ITPR1: variants seen among roughly 807,000 people sequenced by gnomAD.
The protein encoded by ITPR1 is inositol 1,4,5-trisphosphate-gated calcium channel ITPR1.
A neutral mutation model predicts 318.4 loss-of-function variants in ITPR1; 96 were observed. The ratio of observed to expected loss-of-function variants is 0.30; its 90% CI spans 0.26 to 0.36. The LOEUF is 0.36. ITPR1 is among the 10% of genes least tolerant of loss of function. The pLI is 1.00. For synonymous variants in ITPR1, 1,312 were observed against 1,289.9 expected (o/e 1.02, Z -0.37); for missense variants, 2,440 against 3,460.2 (o/e 0.71, Z 7.40).
intron 4 of ITPR1, among the ~76,000 whole-genome samples, chr3:4,605,945 G>C (rs752368844): frequency 1.3e-5 from 2 of 152,092 alleles, no homozygotes; most frequent in Admixed American, 6.5e-5. Flanking sequence ...AGAAGGGATC[G>C]TGGGGAGGAA....
At position 4,674,160 on chromosome 3, in the gene ITPR1, T is replaced by A. The variant is rs941640788; in HGVS notation, c.2457-42T>A. 3.3e-6 allele frequency: 5 copies of A among 1,517,470 alleles called. No homozygotes were observed. The African/African-American group carries it at 7.0e-5, about 21-fold the overall frequency. The allele number at this position is 1,517,470 out of a possible 1,614,324, so 94.0% of individuals were successfully genotyped here. A position where few individuals can be genotyped will look rare whatever the true frequency, so the allele number is the denominator to read the frequency against. On this transcript the variant is annotated intron_variant, in intron 21 of 61. Coordinates refer to ENST00000649015, the MANE Select transcript of ITPR1 (RefSeq NM_001378452.1). ...TGACCCAGGAAGACCTCTCTGGGAA[T>A]AACTTGAAATTTTGTTTCCTTTCTT... is the stretch of plus-strand genomic sequence containing the variant.
intron 10 of ITPR1, among the ~76,000 whole-genome samples, chr3:4,650,482 G>A (rs1369657266): frequency 2.6e-5 from 4 of 151,996 alleles, no homozygotes; most frequent in East Asian, 1.9e-4. Flanking sequence ...GTGATTATTC[G>A]ATGGGTTAAA....
At chr3:4,714,234 A>C (rs1053681864) in intron 39 of ITPR1, among the ~76,000 whole-genome samples, 1 of 152,190 alleles carries the variant, frequency 6.6e-6, no homozygotes, top group African/African-American at 2.4e-5. Flanking sequence ...AAGCTTTCTC[A>C]AGCAAACCAG....
chr3:4,607,987 C>T (rs2091822194), intron 4 of ITPR1, among the ~76,000 whole-genome samples: 1 of 152,066 alleles, frequency 6.6e-6, no homozygotes, highest in Non-Finnish European at 1.5e-5. Context: ...CTCTCATTAG[C>T]TTTACAAAGG....
rs148809650 is a variant in ITPR1, at chr3:4,514,803, G to T, written c.-16-1673G>T. Among the ~76,000 whole-genome samples the T allele has an allele frequency of 2.8e-3, 423 of 152,304 alleles. 4 individuals are homozygous for T. Among genetic ancestry groups the T allele is most frequent in the East Asian group, 0.027 (142 of 5,194 alleles). On this transcript the variant is annotated intron_variant, in intron 2 of 61. Coordinates refer to ENST00000649015, the MANE Select transcript of ITPR1 (RefSeq NM_001378452.1). ...TAAGATAAAGCTTTATAATATAAGC[G>T]CAGAAGGGAAATATTAATCCCCCTT...
intron 4 of ITPR1, among the ~76,000 whole-genome samples, chr3:4,561,745 A>G (rs1361565265): frequency 2.0e-5 from 3 of 152,030 alleles, no homozygotes; most frequent in African/African-American, 7.2e-5. Flanking sequence ...GACTTAAAGG[A>G]TTTATTTTTT....
chr3:4,649,391 A>C (rs1368122973), intron 10 of ITPR1, among the ~76,000 whole-genome samples: 1 of 152,224 alleles, frequency 6.6e-6, no homozygotes, highest in South Asian at 2.1e-4. Flanking sequence ...AAAAGAGGGA[A>C]GACAACACCA....
chr3:4,632,016 G>C (rs555676207), intron 5 of ITPR1, among the ~76,000 whole-genome samples: 1 of 152,200 alleles, frequency 6.6e-6, no homozygotes, highest in African/African-American at 2.4e-5. Flanking sequence ...GATAAATGAT[G>C]GTTCATCCTT....
intron 5 of ITPR1, 103 bp downstream of exon 5, chr3:4,627,981 A>G: frequency 1.5e-6 from 1 of 666,016 alleles, no homozygotes; most frequent in South Asian, 2.6e-5. Context: ...CTCCAATTCT[A>G]GCAGCCAGCT....
chr3:4,558,390 C>A (rs576885476), intron 4 of ITPR1, among the ~76,000 whole-genome samples: 2 of 152,028 alleles, frequency 1.3e-5, no homozygotes, highest in Non-Finnish European at 2.9e-5. Flanking sequence ...ATAATATAAA[C>A]ACAATCAATT....
chr3:4,713,551 G>T (rs1251239856), intron 39 of ITPR1, among the ~76,000 whole-genome samples: 3 of 152,176 alleles, frequency 2.0e-5, no homozygotes, highest in South Asian at 4.1e-4. Flanking sequence ...AAGGTGTGCT[G>T]CCCTGCTCCC....
chr3:4,705,381 G>A (rs749705368), intron 36 of ITPR1, among the ~76,000 whole-genome samples: 7 of 152,146 alleles, frequency 4.6e-5, no homozygotes, highest in Admixed American at 1.3e-4. Flanking sequence ...AACTGACACT[G>A]GTACAGTGCT....
At chr3:4,535,122 C>T (rs1473720508) in intron 4 of ITPR1, among the ~76,000 whole-genome samples, 1 of 151,306 alleles carries the variant, frequency 6.6e-6, no homozygotes, top group Non-Finnish European at 1.5e-5. Context: ...CAGGGGAATG[C>T]AGTCCCTTGA....
chr3:4,684,671 G>A (rs2094359646), intron 29 of ITPR1, among the ~76,000 whole-genome samples: 1 of 152,198 alleles, frequency 6.6e-6, no homozygotes, highest in Non-Finnish European at 1.5e-5. Flanking sequence ...CTAAGTGCCT[G>A]GTACACAGTG....
At chr3:4,613,622 C>T (rs1201463597) in intron 4 of ITPR1, among the ~76,000 whole-genome samples, 1 of 152,092 alleles carries the variant, frequency 6.6e-6, no homozygotes, top group Non-Finnish European at 1.5e-5. Flanking sequence ...CCTTATAGAC[C>T]AGCAGCCTCC....
intron 5 of ITPR1, among the ~76,000 whole-genome samples, chr3:4,633,201 G>T (rs1193407473): frequency 6.6e-6 from 1 of 152,124 alleles, no homozygotes; most frequent in Non-Finnish European, 1.5e-5. Flanking sequence ...CTGCCAAAGT[G>T]CTGACATTAC....
chr3:4,659,174 C>T (rs903590584), intron 13 of ITPR1, among the ~76,000 whole-genome samples: 1 of 152,094 alleles, frequency 6.6e-6, no homozygotes, highest in Non-Finnish European at 1.5e-5. Context: ...CGTATGGCCC[C>T]TCGTGAAGTA....
chr3:4,741,789 G>A (rs970666230), intron 44 of ITPR1, among the ~76,000 whole-genome samples: 1 of 152,202 alleles, frequency 6.6e-6, no homozygotes, highest in African/African-American at 2.4e-5. Context: ...TCACCCTGAG[G>A]AGGAGGAAAA....
At chr3:4,682,882 G>A (rs1466164032) in intron 26 of ITPR1, among the ~76,000 whole-genome samples, 1 of 151,908 alleles carries the variant, frequency 6.6e-6, no homozygotes, top group East Asian at 1.9e-4. Context: ...TTTGATCTAG[G>A]ATATGCTTAT....
Sources: gnomAD v4.1 joint callset for allele counts (sites outside exome capture counted in the v4.1 genomes callset) on GRCh38, gnomAD v4.1.1 for gene constraint, MANE v1.5 for transcripts, NCBI Gene and HGNC (gene_info 2026-07-23, HGNC 2026-07-21) for gene names.